The following SMPD3 variants were observed in gnomAD, a reference collection of about 807,000 sequenced individuals.
SMPD3 encodes sphingomyelin phosphodiesterase 3.
In SMPD3, 21 loss-of-function variants were observed where a neutral mutation model predicts 55.7. The ratio of observed to expected loss-of-function variants is 0.38; its 90% CI spans 0.27 to 0.54. SMPD3 has a LOEUF of 0.54. Among genes scored for constraint, SMPD3 ranks in the 20% least tolerant of loss-of-function variants. The probability of loss-of-function intolerance (pLI) is 0.80; values close to 1 mark genes in which losing one functional copy is unlikely to be tolerated. For missense variants in SMPD3, 842 were observed against 899.6 expected (o/e 0.94, Z 0.82); for synonymous variants, 457 against 404.3 (o/e 1.13, Z -1.56).
chr16:68,435,517 C>G (rs549896410), intron 1 of SMPD3, among the ~76,000 whole-genome samples: 3 of 151,940 alleles, frequency 2.0e-5, no homozygotes. Context: ...GTTGCTCCCC[C>G]GTATCCCCTA....
Position 68,371,033 on chromosome 16 carries a change from C to G in SMPD3, c.1149G>C (p.Glu383Asp), listed in dbSNP as rs151272456. The change falls in exon 3 of 9, where the codon GAG becomes GAC. Residue 383 changes from glutamate (E) to aspartate (D), a missense_variant. Transcript: ENST00000219334. ...AGACCCCGACGTCGTACAGGATGTA[C>G]TCGAAGTAGCCGTGCAGCTGCTCTT... ...KLKEQLHGYF[E>D]YILYDVGVYG... is the part of the protein sequence containing the mutation. 4 of 1,614,222 alleles carry G rather than the reference C, an allele frequency of 2.5e-6. No homozygotes were observed. Among genetic ancestry groups the G allele is most frequent in the East Asian group, 2.2e-5 (1 of 44,880 alleles).
At position 68,394,751 on chromosome 16, in the gene SMPD3, C is replaced by T. The variant is rs118070002; in HGVS notation, c.-268-8092G>A. Among the ~76,000 whole-genome samples, 692 of 152,172 alleles carry T rather than the reference C, an allele frequency of 4.5e-3. 3 individuals carry two copies. Among genetic ancestry groups the T allele is most frequent in the Non-Finnish European group, 7.9e-3 (535 of 68,026 alleles). On this transcript the variant is annotated intron_variant, in intron 1 of 8. Transcript: ENST00000219334. ...GATAACTTAAACTGTATCCTATGTA[C>T]AATATGAGACTTTTTTTGCTTGTTT...
intron 1 of SMPD3, among the ~76,000 whole-genome samples, chr16:68,440,776 C>T (rs564098383): frequency 6.6e-6 from 1 of 152,262 alleles, no homozygotes; most frequent in Non-Finnish European, 1.5e-5. Flanking sequence ...AATTTTTCTC[C>T]CAGAGCACAA....
intron 1 of SMPD3, among the ~76,000 whole-genome samples, chr16:68,394,694 A>T (rs1390435222): frequency 1.3e-5 from 2 of 152,228 alleles, no homozygotes; most frequent in African/African-American, 4.8e-5. Flanking sequence ...ATTATTTATC[A>T]TTTATTTTCT....
intron 3 of SMPD3, chr16:68,367,182 G>A (rs34859996): frequency 0.05 from 7,685 of 152,206 alleles, 223 homozygotes; most frequent in Middle Eastern, 0.12. Flanking sequence ...ATAAATAAAA[G>A]ACCACACGGG....
At chr16:68,408,808 C>T (rs145417512) in intron 1 of SMPD3, among the ~76,000 whole-genome samples, 5 of 152,296 alleles carry the variant, frequency 3.3e-5, no homozygotes, top group Admixed American at 2.6e-4. Context: ...GAGGTTTCTG[C>T]CTGGTACTGG....
At position 68,358,491 on chromosome 16, in the gene SMPD3, A is replaced by C. The variant is rs1295006763; in HGVS notation, c.*2715T>G. ...TATATTTGATAATGTTTTTACCAAA[A>C]CCATAGGTGTGCTTACCATAGAAAA... On this transcript the variant is annotated 3_prime_UTR_variant, in exon 9 of 9. Coordinates refer to ENST00000219334, the MANE Select transcript of SMPD3 (RefSeq NM_018667.4). The C allele has an allele frequency of 6.6e-6, 1 of 152,664 alleles. No individual in the cohort carries two copies. Among genetic ancestry groups the C allele is most frequent in the Non-Finnish European group, 1.5e-5 (1 of 68,048 alleles). 9.5% of individuals were successfully genotyped at this position (152,664 alleles called of 1,614,324 possible). A position where few individuals can be genotyped will look rare whatever the true frequency, so the allele number is the denominator to read the frequency against.
intron 3 of SMPD3, among the ~76,000 whole-genome samples, 165 bp from the exon 4 acceptor site, chr16:68,365,257 A>AGATGTGTC: frequency 6.6e-6 from 1 of 152,176 alleles, no homozygotes; most frequent in African/African-American, 2.4e-5. Flanking sequence ...GCTTCTAGGG[A>AGATGTGTC]CTTACGGATC....
chr16:68,378,256 C>T (rs545665795), intron 2 of SMPD3, among the ~76,000 whole-genome samples: 2 of 152,378 alleles, frequency 1.3e-5, no homozygotes, highest in African/African-American at 4.8e-5. Context: ...CGGGCCATTT[C>T]TGCCTGGATG....
At position 68,365,117 on chromosome 16, in the gene SMPD3, G is replaced by T. The variant is rs776706203; in HGVS notation, c.1324-25C>A. 4 of 1,611,758 alleles carry T rather than the reference G, an allele frequency of 2.5e-6. No individual in the cohort carries two copies. In the African/African-American group the frequency reaches 4.0e-5, roughly 16 times the overall value. On this transcript the variant is annotated intron_variant, in intron 3 of 8. Transcript: ENST00000219334. ...CCTGGGGGAGGAGGGGGTCAGTGCT[G>T]CCACCTGCCAGTCACTGTGGCCCTG...
chr16:68,408,738 G>T (rs2090272723), intron 1 of SMPD3, among the ~76,000 whole-genome samples: 1 of 152,162 alleles, frequency 6.6e-6, no homozygotes, highest in Non-Finnish European at 1.5e-5. Context: ...ACTCAACCAT[G>T]GTTCTGTCTC....
chr16:68,421,175 T>C (rs1342395965), intron 1 of SMPD3, among the ~76,000 whole-genome samples: 1 of 152,164 alleles, frequency 6.6e-6, no homozygotes, highest in Non-Finnish European at 1.5e-5. Context: ...ACTGCCTCTG[T>C]ACACAGGGGC....
chr16:68,361,830 GAGCCATGGTCTCCTCCCAGTGTGGGAGC>G, intron 7 of SMPD3, 71 bp from the exon 8 acceptor site: 22 of 1,486,990 alleles, frequency 1.5e-5, no homozygotes, highest in East Asian at 2.6e-5. Context: ...GCTGTGTGTG[GAGCCATGGTCTCCTCCCAGTGTGGGAGC>G]GGGTGGGTGG....
Position 68,371,318 on chromosome 16 carries a change from A to T in SMPD3, c.864T>A (p.Asp288Glu). ...CCGAGGGGCTGCCCAGGCTCCCTGA[A>T]TCCCCGTCCTGCTGATTATGGTTGG... Reference protein sequence around the residue: ...QTPNHNQQDGDSGSLGSPSAS... With the variant: ...QTPNHNQQDGESGSLGSPSAS... Residue 288 changes from aspartate to glutamate, a missense_variant, in exon 3 of 9, where the codon GAT becomes GAA. Coordinates refer to ENST00000219334, the MANE Select transcript of SMPD3 (RefSeq NM_018667.4). 6.3e-7 allele frequency: 1 copy of T among 1,598,372 alleles called. No individual in the cohort carries two copies. The highest frequency in any genetic ancestry group is 8.5e-7 in the Non-Finnish European group (1 of 1,178,710).
Position 68,371,309 on chromosome 16 carries a change from G to A in SMPD3, c.873C>T (p.Ser291=), listed in dbSNP as rs772726056. 3 of 1,599,926 alleles carry A rather than the reference G, an allele frequency of 1.9e-6. No individual in the cohort carries two copies. Among genetic ancestry groups the A allele is most frequent in the Non-Finnish European group, 2.5e-6 (3 of 1,178,896 alleles). Residue 291 remains serine (S), a synonymous_variant, in exon 3 of 9, where the codon AGC becomes AGT. Transcript: ENST00000219334. ...NHNQQDGDSG[S]LGSPSASRES... Reference sequence around the variant, plus strand: ...CCCGGGAGGCCGAGGGGCTGCCCAGGCTCCCTGAATCCCCGTCCTGCTGAT... The same window carrying A: ...CCCGGGAGGCCGAGGGGCTGCCCAGACTCCCTGAATCCCCGTCCTGCTGAT...
chr16:68,361,909 A>G, intron 7 of SMPD3, 150 bp from the exon 8 acceptor site: 1 of 1,205,254 alleles, frequency 8.3e-7, no homozygotes. Flanking sequence ...CTGCGGGTCC[A>G]AAAAGGGCCT....
chr16:68,383,837 C>A (rs1236593617), intron 2 of SMPD3, among the ~76,000 whole-genome samples: 1 of 152,308 alleles, frequency 6.6e-6, no homozygotes, highest in East Asian at 1.9e-4. Flanking sequence ...GTTCTGGGCC[C>A]TGGACCTCTT....
chr16:68,428,423 G>C (rs77362274), intron 1 of SMPD3, among the ~76,000 whole-genome samples: 211 of 152,304 alleles, frequency 1.4e-3, no homozygotes, highest in Non-Finnish European at 2.4e-3. Context: ...CCCCGCTCCT[G>C]CCCCATTCTG....
intron 2 of SMPD3, among the ~76,000 whole-genome samples, chr16:68,379,045 G>A (rs535085350): frequency 6.6e-6 from 1 of 152,328 alleles, no homozygotes; most frequent in South Asian, 2.1e-4. Flanking sequence ...TTGGTTTCTG[G>A]CATTTGCCAC....
Sources: allele counts gnomAD v4.1 joint callset (sites outside exome capture counted in the v4.1 genomes callset), GRCh38; gene constraint gnomAD v4.1.1; transcripts MANE v1.5; gene names NCBI Gene and HGNC (gene_info 2026-07-23, HGNC 2026-07-21).